RAD51B: variants seen among roughly 807,000 people sequenced by gnomAD.
The protein encoded by RAD51B is DNA repair protein RAD51 homolog 2.
Under a neutral mutation model 42.2 loss-of-function variants are expected in RAD51B, and 38 were observed. That is an observed-to-expected ratio of 0.90 (90% CI 0.70 to 1.18). The LOEUF is 1.18. RAD51B is among the 50% of genes most tolerant of loss of function. RAD51B has a pLI of 0.00. For missense variants in RAD51B, 373 were observed against 400.7 expected (o/e 0.93, Z 0.59); for synonymous variants, 154 against 145.2 (o/e 1.06, Z -0.43).
At chr14:68,188,954 GC>G (rs1401444728) in intron 7 of RAD51B, among the ~76,000 whole-genome samples, 1 of 151,718 alleles carries the variant, frequency 6.6e-6, no homozygotes, top group African/African-American at 2.4e-5. Flanking sequence ...TATGTTTATA[GC>G]TCTTTGATAA....
intron 10 of RAD51B, among the ~76,000 whole-genome samples, chr14:68,635,310 T>C (rs1189387874): frequency 2.6e-5 from 4 of 152,348 alleles, no homozygotes; most frequent in Middle Eastern, 3.4e-3. Flanking sequence ...ACTCCACTTT[T>C]ACCTGCTTTA....
At chr14:67,872,697 G>A (rs987465731) in intron 5 of RAD51B, among the ~76,000 whole-genome samples, 7 of 151,734 alleles carry the variant, frequency 4.6e-5, no homozygotes, top group South Asian at 2.1e-4. Context: ...TATACTACAA[G>A]GCTACAGTAA....
chr14:67,881,025 A>G (rs1481526102), intron 5 of RAD51B, among the ~76,000 whole-genome samples: 1 of 152,192 alleles, frequency 6.6e-6, no homozygotes, highest in Non-Finnish European at 1.5e-5. Flanking sequence ...CACCTAGACT[A>G]TATGGTATAG....
Position 68,563,990 on chromosome 14 carries a change from T to C in RAD51B, c.1037-30495T>C, listed in dbSNP as rs546940137. ...ACACATACACACCCTTTTCATTATG[T>C]GCCAAAGATCACTTTCCCAAACCTG... On this transcript the variant is annotated intron_variant, in intron 10 of 10. Transcript: ENST00000487270. 5.8e-5 allele frequency: 54 copies of C among 924,254 alleles called. 2 individuals carry two copies. The South Asian group carries it at 2.3e-3, about 39-fold the overall frequency. The allele number at this position is 924,254 out of a possible 1,614,324, so 57.3% of individuals were successfully genotyped here. A position where few individuals can be genotyped will look rare whatever the true frequency, so the allele number is the denominator to read the frequency against.
chr14:68,408,704 G>A (rs1035006590), intron 8 of RAD51B, among the ~76,000 whole-genome samples: 3 of 152,058 alleles, frequency 2.0e-5, no homozygotes, highest in South Asian at 2.1e-4. Flanking sequence ...TCAAAATTGC[G>A]CTTTAAAGTT....
chr14:68,242,523 C>T (rs1360125626), intron 7 of RAD51B, among the ~76,000 whole-genome samples: 2 of 152,082 alleles, frequency 1.3e-5, no homozygotes, highest in African/African-American at 4.8e-5. Context: ...ATTTTGAATT[C>T]AGTAGTTTCC....
chr14:68,519,070 T>C (rs1886385435), intron 10 of RAD51B, among the ~76,000 whole-genome samples: 1 of 152,220 alleles, frequency 6.6e-6, no homozygotes. Context: ...CATGATGTCA[T>C]ATTTGTAGCT....
At chr14:68,319,778 A>G (rs180880789) in intron 8 of RAD51B, among the ~76,000 whole-genome samples, 19 of 152,294 alleles carry the variant, frequency 1.2e-4, no homozygotes, top group African/African-American at 3.6e-4. Context: ...TAAAATGTCT[A>G]TCTAGCCTAG....
chr14:68,546,056 A>C (rs1296181553), intron 10 of RAD51B, among the ~76,000 whole-genome samples: 1 of 152,202 alleles, frequency 6.6e-6, no homozygotes. Flanking sequence ...CAGGGACCCT[A>C]CTGTATCCAC....
chr14:68,569,168 G>A (rs187108468), intron 10 of RAD51B, among the ~76,000 whole-genome samples: 39 of 152,312 alleles, frequency 2.6e-4, no homozygotes, highest in East Asian at 1.4e-3. Context: ...TGTTTCACCC[G>A]GGAAAGTCCC....
intron 10 of RAD51B, among the ~76,000 whole-genome samples, chr14:68,517,576 G>C (rs1211993619): frequency 2.0e-5 from 3 of 152,190 alleles, no homozygotes; most frequent in Non-Finnish European, 4.4e-5. Context: ...GGGGACTGCA[G>C]ACCTCACTTG....
chr14:67,983,423 A>G (rs1191509901), intron 7 of RAD51B, among the ~76,000 whole-genome samples: 1 of 152,208 alleles, frequency 6.6e-6, no homozygotes, highest in Non-Finnish European at 1.5e-5. Flanking sequence ...TTTTTATGTC[A>G]ATATCAGTCT....
At chr14:68,099,916 T>C (rs1460205874) in intron 7 of RAD51B, among the ~76,000 whole-genome samples, 2 of 152,176 alleles carry the variant, frequency 1.3e-5, no homozygotes, top group African/African-American at 4.8e-5. Flanking sequence ...ATCTGGAAGG[T>C]GGCAGCTCAC....
chr14:68,119,565 G>C lies in RAD51B; in HGVS notation c.757-172319G>C, dbSNP rs544526158. ...TTCCCACCTATGAGTGAGAATATGC[G>C]GTGTTTGGTTTTTTGTTCTTGCGAT... On this transcript the variant is annotated intron_variant, in intron 7 of 10. Transcript: ENST00000471583. Among the ~76,000 whole-genome samples, 12 of 143,398 alleles carry C rather than the reference G, an allele frequency of 8.4e-5. No homozygotes were observed. In the East Asian group the frequency reaches 1.2e-3, roughly 15 times the overall value. The allele number at this position is 143,398 out of a possible 152,430, so 94.1% of individuals were successfully genotyped here. A position where few individuals can be genotyped will look rare whatever the true frequency, so the allele number is the denominator to read the frequency against.
rs556074675 is a variant in RAD51B at position 68,580,527 on chromosome 14, G to A, written c.1037-13958G>A. ...TGGGAAGTGTTTGGGACAGTGACCC[G>A]CGTGGAAGAGACATTGTTATACACG... On this transcript the variant is annotated intron_variant, in intron 10 of 10. Transcript: ENST00000487270. Among the ~76,000 whole-genome samples the A allele has an allele frequency of 1.1e-4, 16 of 152,264 alleles. No individual in the cohort carries two copies. The South Asian group carries it at 2.1e-3, about 20-fold the overall frequency.
In RAD51B at chr14:68,091,669, G is replaced by A. The variant is rs570150915; in HGVS notation, c.757-200215G>A. Among the ~76,000 whole-genome samples the A allele has an allele frequency of 8.5e-5, 13 of 152,286 alleles. 1 individual carries two copies. The South Asian group carries it at 2.1e-3, about 24-fold the overall frequency. On this transcript the variant is annotated intron_variant, in intron 7 of 10. Coordinates refer to ENST00000471583, the MANE Select transcript of RAD51B (RefSeq NM_133510.4). ...GGGTTGCCTGTTCACTCTGATGGTA[G>A]TTTCTTTTGCTGTGCAGAAGCTCTT...
intron 10 of RAD51B, among the ~76,000 whole-genome samples, chr14:68,617,222 G>C (rs921331786): frequency 4.6e-5 from 7 of 152,162 alleles, no homozygotes; most frequent in Non-Finnish European, 4.4e-5. Flanking sequence ...TTTTTATCCA[G>C]CAGGCAGTTA....
intron 8 of RAD51B, among the ~76,000 whole-genome samples, chr14:68,296,889 A>G (rs2081624439): frequency 6.6e-6 from 1 of 152,232 alleles, no homozygotes; most frequent in Non-Finnish European, 1.5e-5. Flanking sequence ...AAAACTAAAA[A>G]TGTAAAATGT....
At chr14:68,624,757 G>A (rs1033791179) in intron 10 of RAD51B, among the ~76,000 whole-genome samples, 4 of 152,092 alleles carry the variant, frequency 2.6e-5, no homozygotes, top group Admixed American at 1.3e-4. Context: ...CAGGAAACAG[G>A]GCCCCAGGCA....
Sources: gnomAD v4.1 joint callset for allele counts (sites outside exome capture counted in the v4.1 genomes callset) on GRCh38, gnomAD v4.1.1 for gene constraint, MANE v1.5 for transcripts, NCBI Gene and HGNC (gene_info 2026-07-23, HGNC 2026-07-21) for gene names.